Variants in APBA3 observed in about 807,000 individuals in gnomAD.
APBA3 encodes the protein amyloid-beta A4 precursor protein-binding family A member 3.
In APBA3, 45 loss-of-function variants were observed where a neutral mutation model predicts 55.9. That is an observed-to-expected ratio of 0.80 (90% CI 0.63 to 1.03). The LOEUF is 1.03. APBA3 is among the 50% of genes least tolerant of loss of function. APBA3 has a pLI of 0.00. For missense variants in APBA3, 865 were observed against 820.3 expected (o/e 1.05, Z -0.67); for synonymous variants, 370 against 353.3 (o/e 1.05, Z -0.53).
At position 3,751,114 on chromosome 19, in the gene APBA3, G is replaced by A. The variant is rs371237043; in HGVS notation, c.1657-17C>T. The A allele has an allele frequency of 1.9e-4, 296 of 1,564,364 alleles. 1 individual carries two copies. The highest frequency in any genetic ancestry group is 1.7e-4 in the Middle Eastern group (1 of 6,000). ...GATATGCACCTGGGGAGTGGAGGCG[G>A]AACGGGGCTCAGGGCAGGCCTGGGC... On this transcript the variant is annotated splice_polypyrimidine_tract_variant and intron_variant, in intron 10 of 10. Coordinates refer to ENST00000316757, the MANE Select transcript of APBA3 (RefSeq NM_004886.4).
intron 1 of APBA3, 70 bp from the exon 2 acceptor site, chr19:3,760,371 T>A (rs775635436): frequency 1.0e-5 from 11 of 1,061,122 alleles, no homozygotes; most frequent in African/African-American, 1.6e-5. Flanking sequence ...TCCCAGAATT[T>A]TGGGAGGCCC....
rs527783566 is a variant in APBA3 at position 3,751,434 on chromosome 19, G to A, written c.1515C>T (p.Ile505=). ...EQLGFCVEDG[I]ICSLLRGGIA... ...CCGGGGCCAGGGGCCGGGGCCTCAC[G>A]ATGCCGTCCTCCACGCAGAAGCCCA... The change falls in exon 9 of 11, where the codon ATC becomes ATT. Residue 505 remains isoleucine (I), a splice_region_variant and synonymous_variant. Transcript: ENST00000316757. 6.3e-5 allele frequency: 96 copies of A among 1,529,392 alleles called. No individual in the cohort carries two copies. The highest frequency in any genetic ancestry group is 2.9e-5 in the Non-Finnish European group (33 of 1,142,506). 94.7% of individuals were successfully genotyped at this position (1,529,392 alleles called of 1,614,324 possible).
chr19:3,751,915 G>A, intron 8 of APBA3: 2 of 274,352 alleles, frequency 7.3e-6, no homozygotes, highest in Non-Finnish European at 1.4e-5. Flanking sequence ...CAAAGGTTGA[G>A]ACTCAAAAAC....
chr19:3,752,526 C>A lies in APBA3; in HGVS notation c.1377G>T (p.Ala459=). 3 of 1,582,126 alleles carry A rather than the reference C, an allele frequency of 1.9e-6. No homozygotes were observed. The highest frequency in any genetic ancestry group is 2.6e-6 in the Non-Finnish European group (3 of 1,169,404). Residue 459 remains alanine, a synonymous_variant, in exon 8 of 11, where the codon GCG becomes GCT. Transcript: ENST00000316757. ...AACTCACGCGGACAGCGGCCTGGCA[C>A]GCAGCCAGGGGCAGCCCCACCAGGC... is the stretch of plus-strand genomic sequence containing the variant. ...GTSLVGLPLA[A]CQAAVRETKS...
At chr19:3,751,663 G>C (rs1169272489) in intron 8 of APBA3, 110 bp from the exon 9 acceptor site, 1 of 1,291,618 alleles carries the variant, frequency 7.7e-7, no homozygotes, top group Non-Finnish European at 1.0e-6. Context: ...TGGAGTCCAG[G>C]GGCTCAATTC....
rs60481692 is a variant in APBA3 at position 3,760,976 on chromosome 19, AG to A, written c.-38+559del. On this transcript the variant is annotated intron_variant, in intron 1 of 10. Coordinates refer to ENST00000316757, the MANE Select transcript of APBA3 (RefSeq NM_004886.4). ...GTTTCCCGGCTGCCTATCCGGTGCT[AG>A]GCTCTAGCTGGGTACTGTTCATACA... Among the ~76,000 whole-genome samples the A allele has an allele frequency of 2.1e-3, 320 of 152,256 alleles. 2 individuals carry two copies. The highest frequency in any genetic ancestry group is 7.2e-3 in the African/African-American group (298 of 41,548).
chr19:3,757,307 G>C (rs1276320144), intron 3 of APBA3, among the ~76,000 whole-genome samples: 4 of 152,012 alleles, frequency 2.6e-5, no homozygotes, highest in Non-Finnish European at 5.9e-5. Flanking sequence ...GGGTTTTGCT[G>C]TGTGGCCCAG....
chr19:3,752,898 G>A lies in APBA3; in HGVS notation c.1104C>T (p.Gly368=), dbSNP rs776421510. ...RESGIDPSQV[G]VHPSPGACHL... is the part of the protein sequence containing the mutation. The stretch of plus-strand genomic sequence containing the variant: ...GGCAGGCGCCTGGGCTCGGGTGCAC[G>A]CCCACCTGGCTGGGGTCAATACCGC... The change falls in exon 7 of 11, where the codon GGC becomes GGT. Residue 368 remains glycine, a synonymous_variant. Coordinates refer to ENST00000316757, the MANE Select transcript of APBA3 (RefSeq NM_004886.4). 9 of 1,613,154 alleles carry A rather than the reference G, an allele frequency of 5.6e-6. No homozygotes were observed. Among genetic ancestry groups the A allele is most frequent in the Admixed American group, 1.7e-5 (1 of 60,006 alleles).
At chr19:3,753,233 G>A (rs1410820780) in intron 6 of APBA3, 3 of 568,162 alleles carry the variant, frequency 5.3e-6, no homozygotes, top group Middle Eastern at 4.5e-4. Context: ...GCAGCTCCCT[G>A]CGCATGGGCT....
intron 1 of APBA3, 41 bp from the exon 2 acceptor site, chr19:3,760,342 C>T: frequency 7.5e-7 from 1 of 1,341,352 alleles, no homozygotes; most frequent in Non-Finnish European, 1.0e-6. Context: ...CGCCCGGGTG[C>T]AGTGGCTCAT....
At position 3,753,887 on chromosome 19, in the gene APBA3, T is replaced by C. The variant is rs1263594832; in HGVS notation, c.889A>G (p.Thr297Ala). Residue 297 changes from threonine (T) to alanine (A), a missense_variant, in exon 6 of 11, where the codon ACA (threonine) becomes GCA (alanine). Thr to Ala is a moderately conservative substitution (Grantham distance 58). Coordinates refer to ENST00000316757, the MANE Select transcript of APBA3 (RefSeq NM_004886.4). ...ACCAGCACGCAGCCGATGTCGGCTG[T>C]GTAGGAGATGGTATGCAGGGCGTGG... ...MDHALHTISY[T>A]ADIGCVLVLM... The C allele has an allele frequency of 6.4e-7, 1 of 1,559,268 alleles. No homozygotes were observed. Among genetic ancestry groups the C allele is most frequent in the Non-Finnish European group, 8.7e-7 (1 of 1,151,554 alleles).
chr19:3,760,107 T>C lies in APBA3; in HGVS notation c.158A>G (p.Asp53Gly). The change falls in exon 2 of 11, where the codon GAT (aspartate) becomes GGT (glycine). Residue 53 changes from aspartate to glycine, a missense_variant. Asp to Gly is a moderately conservative substitution (Grantham distance 94). Transcript: ENST00000316757. ...CACCAGCTCCTGAAGGCTTGACTCA[T>C]CAAGTTCCATCCGACTGAGGCTGCC... is the stretch of plus-strand genomic sequence containing the variant. The part of the protein sequence containing the change: ...GPGSLSRMEL[D>G]ESSLQELVQQ... 6.2e-7 allele frequency: 1 copy of C among 1,613,458 alleles called. No homozygotes were observed. Among genetic ancestry groups the C allele is most frequent in the Non-Finnish European group, 8.5e-7 (1 of 1,180,032 alleles).
chr19:3,759,630 G>A (rs749969570), intron 2 of APBA3, 30 bp from the exon 3 acceptor site: 1 of 1,603,668 alleles, frequency 6.2e-7, no homozygotes, highest in Non-Finnish European at 8.5e-7. Flanking sequence ...GGGCAGGACT[G>A]AGTCTCCCTG....
Position 3,759,771 on chromosome 19 carries a change from C to A in APBA3, c.494G>T (p.Ser165Ile). 1 of 1,612,680 alleles carries A rather than the reference C, an allele frequency of 6.2e-7. No individual in the cohort carries two copies. The highest frequency in any genetic ancestry group is 8.5e-7 in the Non-Finnish European group (1 of 1,179,856). The change falls in exon 2 of 11, where the codon AGC (serine) becomes ATC (isoleucine). Residue 165 changes from serine to isoleucine, a missense_variant. Transcript: ENST00000316757. ...TTCCGGGGAACTGCTTGAGCTCCTG[C>A]TGCCCTCCTGCTCAGCAGAGGCCCC... Reference protein sequence around the residue: ...VEGASAEQEGSRSSSSSPEPW... With the variant: ...VEGASAEQEGIRSSSSSPEPW...
intron 8 of APBA3, chr19:3,751,850 C>T (rs1456922448): frequency 5.4e-5 from 22 of 405,970 alleles, no homozygotes; most frequent in Non-Finnish European, 8.9e-5. Flanking sequence ...CCTCATTCCT[C>T]TGACGGGGGC....
At position 3,751,405 on chromosome 19, in the gene APBA3, C is replaced by G. The variant is rs200440373; in HGVS notation, c.1515+29G>C. ...CGTGCTCAGGGCCGCCCTACCCCCC[C>G]ACCCCGGGGCCAGGGGCCGGGGCCT... On this transcript the variant is annotated intron_variant, in intron 9 of 10. Transcript: ENST00000316757. The G allele has an allele frequency of 4.1e-5, 62 of 1,515,052 alleles. No homozygotes were observed. In the Admixed American group the frequency reaches 4.9e-4, roughly 12 times the overall value. 93.9% of individuals were successfully genotyped at this position (1,515,052 alleles called of 1,614,324 possible).
Position 3,753,794 on chromosome 19 carries a change from T to C in APBA3, c.982A>G (p.Met328Val), listed in dbSNP as rs754497013. Reference protein sequence around the residue: ...PQDHGRRLYKMLCHVFYAEDA... With the variant: ...PQDHGRRLYKVLCHVFYAEDA... ...TCCGCGTAGAATACGTGGCAGAGCA[T>C]CTTGTAGAGGCGGCGGCCGTGGTCC... The change falls in exon 6 of 11, where the codon ATG (methionine) becomes GTG (valine). Residue 328 changes from methionine (M) to valine (V), a missense_variant. Met to Val is a conservative substitution (Grantham distance 21). Transcript: ENST00000316757. The C allele has an allele frequency of 3.2e-6, 5 of 1,571,800 alleles. No homozygotes were observed. The Admixed American group carries it at 5.7e-5, about 18-fold the overall frequency.
intron 3 of APBA3, among the ~76,000 whole-genome samples, 153 bp downstream of exon 3, chr19:3,759,408 C>T (rs994565818): frequency 5.9e-5 from 9 of 152,156 alleles, no homozygotes; most frequent in African/African-American, 2.2e-4. Context: ...GGCTGGCTCT[C>T]CTCTCCCTGG....
At chr19:3,758,123 C>T (rs142202649) in intron 3 of APBA3, among the ~76,000 whole-genome samples, 252 of 151,756 alleles carry the variant, frequency 1.7e-3, no homozygotes, top group African/African-American at 5.7e-3. Context: ...TTAGTAGAGA[C>T]GGGGTTTCAC....
Sources: gnomAD v4.1 joint callset for allele counts (sites outside exome capture counted in the v4.1 genomes callset) on GRCh38, gnomAD v4.1.1 for gene constraint, MANE v1.5 for transcripts, NCBI Gene and HGNC (gene_info 2026-07-23, HGNC 2026-07-21) for gene names.